Variants in DAGLB observed in about 807,000 individuals in gnomAD.
DAGLB encodes diacylglycerol lipase beta.
Under a neutral mutation model 72.1 loss-of-function variants are expected in DAGLB, and 66 were observed. That is an observed-to-expected ratio of 0.92 (90% confidence interval 0.75 to 1.12). The LOEUF is 1.12. Among genes scored for constraint, DAGLB ranks in the 50% most tolerant of loss-of-function variants. The pLI is 0.00. For synonymous variants in DAGLB, 414 were observed against 359.5 expected (o/e 1.15, Z -1.71); for missense variants, 1,065 against 884.9 (o/e 1.20, Z -2.58).
intron 6 of DAGLB, among the ~76,000 whole-genome samples, chr7:6,428,562 C>G (rs1784384621): frequency 6.6e-6 from 1 of 151,602 alleles, no homozygotes; most frequent in South Asian, 2.1e-4. Flanking sequence ...TCTCCACTCA[C>G]TGCAACCTCC....
At position 6,416,920 on chromosome 7, in the gene DAGLB, C is replaced by A. The variant is rs1350816956; in HGVS notation, c.1220G>T (p.Gly407Val). ...CEVQDRLAHKGISQAARYVYQ... is the reference protein window; with the variant it reads ...CEVQDRLAHKVISQAARYVYQ... Reference sequence around the variant, plus strand: ...AACGTATCTGGCAGCTTGAGAAATACCCTAAAAACACAGACAAAGAAGGTG... The same window carrying A: ...AACGTATCTGGCAGCTTGAGAAATAACCTAAAAACACAGACAAAGAAGGTG... The change falls in exon 10 of 15, where the codon GGT becomes GTT. Residue 407 changes from glycine (G) to valine (V), a missense_variant and splice_region_variant. Transcript: ENST00000297056. The A allele has an allele frequency of 6.2e-7, 1 of 1,614,088 alleles. No individual in the cohort carries two copies. The highest frequency in any genetic ancestry group is 8.5e-7 in the Non-Finnish European group (1 of 1,180,002).
chr7:6,424,754 G>T lies in DAGLB; in HGVS notation c.1138C>A (p.Gln380Lys). 2 of 1,613,478 alleles carry T rather than the reference G, an allele frequency of 1.2e-6. No homozygotes were observed. Among genetic ancestry groups the T allele is most frequent in the Non-Finnish European group, 1.7e-6 (2 of 1,179,742 alleles). ...VVAVRGTMSL[Q>K]DVLTDLSAES... ...GGAAAGTCAGGTTCCAACGTTACCT[G>T]CAGAGACATGGTCCCCCTCACAGCG... Residue 380 changes from glutamine (Q) to lysine (K), a missense_variant and splice_region_variant, in exon 8 of 15, where the codon CAG becomes AAG. Transcript: ENST00000297056.
chr7:6,446,467 G>A (rs1278613169), intron 1 of DAGLB, among the ~76,000 whole-genome samples: 1 of 91,438 alleles, frequency 1.1e-5, no homozygotes, highest in African/African-American at 4.3e-5. Context: ...AACGATATGA[G>A]ACTCCGTCTC....
chr7:6,426,223 C>G (rs1350737048), intron 6 of DAGLB, 109 bp from the exon 7 acceptor site: 15 of 1,505,936 alleles, frequency 1.0e-5, no homozygotes, highest in Admixed American at 1.8e-5. Flanking sequence ...GCGGACAATT[C>G]TCAGGACTTA....
At chr7:6,445,377 C>A (rs1341866374) in intron 2 of DAGLB, among the ~76,000 whole-genome samples, 2 of 152,118 alleles carry the variant, frequency 1.3e-5, no homozygotes, top group Admixed American at 1.3e-4. Context: ...GACCAAAAGG[C>A]CACACAGTGA....
intron 4 of DAGLB, among the ~76,000 whole-genome samples, 180 bp downstream of exon 4, chr7:6,434,582 G>A (rs1784594192): frequency 6.6e-6 from 1 of 152,126 alleles, no homozygotes; most frequent in African/African-American, 2.4e-5. Context: ...AGAAGGTGTG[G>A]CTCTTGCAGT....
rs768685311 is a variant in DAGLB at position 6,424,765 on chromosome 7, G to GT, written c.1126dup (p.Thr376AsnfsTer16). 2 of 1,613,698 alleles carry GT rather than the reference G, an allele frequency of 1.2e-6. No homozygotes were observed. On this transcript the variant is annotated frameshift_variant, in exon 8 of 15. Coordinates refer to ENST00000297056, the MANE Select transcript of DAGLB (RefSeq NM_139179.4). LOFTEE classifies it high-confidence loss of function. ...TTCCAACGTTACCTGCAGAGACATG[G>GT]TCCCCCTCACAGCGACCACAACAGA... is the stretch of plus-strand genomic sequence containing the variant.
chr7:6,428,214 T>G (rs934741478), intron 6 of DAGLB, among the ~76,000 whole-genome samples: 12 of 146,832 alleles, frequency 8.2e-5, no homozygotes, highest in Middle Eastern at 3.6e-3. Context: ...AGTATGGTGG[T>G]GCAGGCCTGT....
rs758811466 is a variant in DAGLB, at chr7:6,447,821, C to A, written c.22G>T (p.Gly8Cys). 1.2e-6 allele frequency: 2 copies of A among 1,612,710 alleles called. No homozygotes were observed. Among genetic ancestry groups the A allele is most frequent in the African/African-American group, 1.3e-5 (1 of 74,898 alleles). The change falls in exon 1 of 15, where the codon GGC becomes TGC. Residue 8 changes from glycine to cysteine, a missense_variant. Coordinates refer to ENST00000297056, the MANE Select transcript of DAGLB (RefSeq NM_139179.4). The stretch of plus-strand genomic sequence containing the variant: ...TCGCTGGCGATGGCCCAGCGCCGGC[C>A]GAAGAGTACCATCCCCGGCATGGCG... MPGMVLFGRRWAIASDDL... is the reference protein window; with the variant it reads MPGMVLFCRRWAIASDDL...
At chr7:6,432,690 G>T in intron 5 of DAGLB, 147 bp downstream of exon 5, 1 of 990,932 alleles carries the variant, frequency 1.0e-6, no homozygotes, top group South Asian at 2.1e-5. Context: ...TGGGAGAGGG[G>T]AGGGAAGGGG....
intron 2 of DAGLB, among the ~76,000 whole-genome samples, chr7:6,443,215 A>C (rs1448588253): frequency 6.7e-6 from 1 of 148,472 alleles, no homozygotes; most frequent in Admixed American, 6.9e-5. Flanking sequence ...AACAAAAAAA[A>C]CAAAACAAAA....
chr7:6,420,947 C>G, intron 9 of DAGLB, among the ~76,000 whole-genome samples: 1 of 152,194 alleles, frequency 6.6e-6, no homozygotes, highest in East Asian at 1.9e-4. Flanking sequence ...GACCCTGGTG[C>G]GCACTCTCTG....
intron 4 of DAGLB, among the ~76,000 whole-genome samples, chr7:6,434,555 T>C (rs1048318602): frequency 1.3e-5 from 2 of 152,128 alleles, no homozygotes; most frequent in Non-Finnish European, 2.9e-5. Flanking sequence ...ACATGTCCTA[T>C]TGGGACACAG....
rs564379178 is a variant in DAGLB at position 6,439,754 on chromosome 7, T to A, written c.248-3221A>T. On this transcript the variant is annotated intron_variant, in intron 2 of 14. Transcript: ENST00000297056. ...GGATTTCATTTGGGAGGTTTTCAAATTAAAAATAGAAACTAGGCCGGGTGC... is the reference window on the plus strand; with the variant it reads ...GGATTTCATTTGGGAGGTTTTCAAAATAAAAATAGAAACTAGGCCGGGTGC... 2.0e-5 allele frequency among the ~76,000 whole-genome samples: 3 copies of A among 152,072 alleles called. No individual in the cohort carries two copies. The East Asian group carries it at 5.8e-4, about 29-fold the overall frequency.
Position 6,434,913 on chromosome 7 carries a change from T to C in DAGLB, c.527A>G (p.His176Arg). ...GCCATTAAGTAACTGGCTTGAATCATGACTATCCAGGTGGCTGGGGCCGGC... is the reference window on the plus strand; with the variant it reads ...GCCATTAAGTAACTGGCTTGAATCACGACTATCCAGGTGGCTGGGGCCGGC... Reference protein sequence around the residue: ...SSAGPSHLDSHDSSQLLNGLK... With the variant: ...SSAGPSHLDSRDSSQLLNGLK... The change falls in exon 4 of 15, where the codon CAT becomes CGT. Residue 176 changes from histidine to arginine, a missense_variant. Transcript: ENST00000297056. The C allele has an allele frequency of 6.2e-7, 1 of 1,614,196 alleles. No homozygotes were observed. The highest frequency in any genetic ancestry group is 1.3e-5 in the African/African-American group (1 of 75,050).
intron 2 of DAGLB, among the ~76,000 whole-genome samples, chr7:6,442,037 C>T (rs1291109931): frequency 6.6e-6 from 1 of 152,076 alleles, no homozygotes; most frequent in Non-Finnish European, 1.5e-5. Context: ...AGGAGAGCGA[C>T]GATAAATGGC....
At chr7:6,421,996 G>A (rs1311029516) in intron 8 of DAGLB, 192 bp from the exon 9 acceptor site, 9 of 689,128 alleles carry the variant, frequency 1.3e-5, no homozygotes, top group Admixed American at 4.1e-5. Flanking sequence ...CTGATGGCAC[G>A]ACCAGCTCTG....
In DAGLB at chr7:6,426,061, C is replaced by T. The variant is rs768282764; in HGVS notation, c.983G>A (p.Cys328Tyr). 3.1e-6 allele frequency: 5 copies of T among 1,614,098 alleles called. No homozygotes were observed. Among genetic ancestry groups the T allele is most frequent in the Middle Eastern group, 1.7e-4 (1 of 5,998 alleles). The change falls in exon 7 of 15, where the codon TGT becomes TAT. Residue 328 changes from cysteine to tyrosine, a missense_variant. By Grantham distance (194) the Cys-to-Tyr change is radical. Transcript: ENST00000297056. ...GGTGTGCAGGATGGAGCCGAAGTGACAGTTGAGCTGATCGCCTCCGACCAA... is the reference window on the plus strand; with the variant it reads ...GGTGTGCAGGATGGAGCCGAAGTGATAGTTGAGCTGATCGCCTCCGACCAA... ...YDLVGGDQLN[C>Y]HFGSILHTTG...
In DAGLB at chr7:6,446,018, A is replaced by G; in HGVS notation, c.182T>C (p.Val61Ala). The G allele has an allele frequency of 6.2e-7, 1 of 1,613,922 alleles. No individual in the cohort carries two copies. The highest frequency in any genetic ancestry group is 8.5e-7 in the Non-Finnish European group (1 of 1,179,948). The change falls in exon 2 of 15, where the codon GTC becomes GCC. Residue 61 changes from valine to alanine, a missense_variant. Coordinates refer to ENST00000297056, the MANE Select transcript of DAGLB (RefSeq NM_139179.4). The stretch of plus-strand genomic sequence containing the variant: ...GACAACTGCCAGGAGAATCATGAGG[A>G]CGATCAAGTAACTGCTGAGCAAGGC... The part of the protein sequence containing the change: ...GGALLSSYLI[V>A]LMILLAVVIC...
Sources: gnomAD v4.1 joint callset for allele counts (sites outside exome capture counted in the v4.1 genomes callset) on GRCh38, gnomAD v4.1.1 for gene constraint, MANE v1.5 for transcripts, NCBI Gene and HGNC (gene_info 2026-07-23, HGNC 2026-07-21) for gene names.